MTSS1: variants seen among roughly 807,000 people sequenced by gnomAD.
The protein encoded by MTSS1 is MTSS I-BAR domain containing 1, also known as protein MTSS 1.
A neutral mutation model predicts 79.0 loss-of-function variants in MTSS1; 18 were observed. That is an observed-to-expected ratio of 0.23 (90% CI 0.16 to 0.34). The LOEUF (loss-of-function observed/expected upper bound fraction) is 0.34, where lower values mean the gene tolerates loss of function less well. MTSS1 is among the 10% of genes least tolerant of loss of function. The pLI is 1.00. For synonymous variants in MTSS1, 341 were observed against 368.6 expected, an observed-to-expected ratio of 0.93 and a Z score of 0.86; for missense variants, 815 against 986.2, an observed-to-expected ratio of 0.83 and a Z score of 2.33.
chr8:124,717,088 T>C (rs1193293240), intron 1 of MTSS1, among the ~76,000 whole-genome samples: 1 of 151,704 alleles, frequency 6.6e-6, no homozygotes, highest in Non-Finnish European at 1.5e-5. Context: ...ACATGCTCTC[T>C]TCCCTTGCAC....
At chr8:124,701,792 A>G (rs1829745346) in intron 2 of MTSS1, among the ~76,000 whole-genome samples, 1 of 152,240 alleles carries the variant, frequency 6.6e-6, no homozygotes, top group Non-Finnish European at 1.5e-5. Context: ...TTGATGGGGC[A>G]GAGCAAACTT....
intron 3 of MTSS1, among the ~76,000 whole-genome samples, chr8:124,652,175 T>C (rs1338224536): frequency 6.6e-6 from 1 of 152,208 alleles, no homozygotes; most frequent in Non-Finnish European, 1.5e-5. Flanking sequence ...TAGAGAAATG[T>C]CTTCTTTATT....
In MTSS1 at chr8:124,634,260, CCAT is replaced by C. The variant is rs552678890; in HGVS notation, c.209-43028_209-43026del. On this transcript the variant is annotated intron_variant, in intron 3 of 13. Transcript: ENST00000518547. ...AAGTAGCTGGGACTACAGGCGCACACCATCATACCTGGCTAGTTTTTTTTTGTT... is the reference window on the plus strand; with the variant it reads ...AAGTAGCTGGGACTACAGGCGCACACCATACCTGGCTAGTTTTTTTTTGTT... 4.3e-3 allele frequency among the ~76,000 whole-genome samples: 657 copies of C among 151,280 alleles called. 3 individuals are homozygous for C. Among genetic ancestry groups the C allele is most frequent in the African/African-American group, 0.016 (636 of 40,972 alleles).
chr8:124,696,249 A>G (rs1828799014), intron 3 of MTSS1, among the ~76,000 whole-genome samples: 1 of 152,106 alleles, frequency 6.6e-6, no homozygotes, highest in Non-Finnish European at 1.5e-5. Context: ...CGGCCTCCCA[A>G]ATGCTGGGAT....
intron 1 of MTSS1, among the ~76,000 whole-genome samples, chr8:124,721,433 CAGAGTCT>C (rs1832919046): frequency 7.9e-6 from 1 of 125,954 alleles, no homozygotes; most frequent in South Asian, 2.4e-4. Flanking sequence ...TTTTTTGAGA[CAGAGTCT>C]CATTCTGTCG....
At chr8:124,615,036 G>C (rs1406965493) in intron 3 of MTSS1, among the ~76,000 whole-genome samples, 1 of 152,196 alleles carries the variant, frequency 6.6e-6, no homozygotes, top group Non-Finnish European at 1.5e-5. Flanking sequence ...CCAGAAGGCG[G>C]GAAGATGCAG....
chr8:124,678,278 G>A (rs890730568), intron 3 of MTSS1, among the ~76,000 whole-genome samples: 3 of 152,130 alleles, frequency 2.0e-5, no homozygotes, highest in African/African-American at 7.2e-5. Context: ...TGAGACCTGG[G>A]GAACACTAAT....
chr8:124,570,228 T>C (rs1007071315), intron 6 of MTSS1, among the ~76,000 whole-genome samples: 8 of 152,190 alleles, frequency 5.3e-5, no homozygotes, highest in African/African-American at 1.4e-4. Flanking sequence ...AGATCACCCT[T>C]GAAAATGCCT....
rs1239125456 is a variant in MTSS1 at position 124,557,807 on chromosome 8, A to G, written c.1104T>C (p.Leu368=). The part of the protein sequence containing the change: ...ESHVGPTGAG[L]FPHCLPASRL... ...GGGAGGCAGGCAGGCAATGAGGGAA[A>G]AGGCCTGCACCCGTGGGCCCCACGT... Residue 368 remains leucine (L), a synonymous_variant, in exon 11 of 14, where the codon CTT becomes CTC. Transcript: ENST00000518547. The G allele has an allele frequency of 6.2e-7, 1 of 1,604,834 alleles. No individual in the cohort carries two copies. The highest frequency in any genetic ancestry group is 1.3e-5 in the African/African-American group (1 of 74,674).
chr8:124,568,012 C>A (rs1444396008), intron 7 of MTSS1: 1 of 1,238,212 alleles, frequency 8.1e-7, no homozygotes, highest in Non-Finnish European at 1.0e-6. Context: ...CTTTAAAACA[C>A]AGACGACTGG....
chr8:124,723,366 C>G (rs1833223280), intron 1 of MTSS1, among the ~76,000 whole-genome samples: 1 of 152,176 alleles, frequency 6.6e-6, no homozygotes, highest in African/African-American at 2.4e-5. Context: ...CTCAGCTTAC[C>G]TTCTATGCAA....
At chr8:124,705,039 G>A (rs1408190746) in intron 1 of MTSS1, among the ~76,000 whole-genome samples, 1 of 152,092 alleles carries the variant, frequency 6.6e-6, no homozygotes, top group African/African-American at 2.4e-5. Flanking sequence ...AAGCAGGCAG[G>A]GACCGACGTC....
At chr8:124,647,987 T>G (rs976009855) in intron 3 of MTSS1, among the ~76,000 whole-genome samples, 7 of 152,054 alleles carry the variant, frequency 4.6e-5, no homozygotes, top group African/African-American at 1.7e-4. Context: ...GTTTCAAGAG[T>G]AGCAAGGGGA....
intron 3 of MTSS1, among the ~76,000 whole-genome samples, chr8:124,668,914 C>T (rs1823617669): frequency 6.6e-6 from 1 of 152,184 alleles, no homozygotes; most frequent in African/African-American, 2.4e-5. Flanking sequence ...CATTAGTTTA[C>T]CTTCAATGAT....
At chr8:124,574,250 G>A (rs1472710988) in intron 6 of MTSS1, among the ~76,000 whole-genome samples, 1 of 152,108 alleles carries the variant, frequency 6.6e-6, no homozygotes, top group Admixed American at 6.6e-5. Flanking sequence ...GGCCACAGAA[G>A]GAAGGAATTT....
chr8:124,719,135 T>G (rs1446664489), intron 1 of MTSS1, among the ~76,000 whole-genome samples: 1 of 152,208 alleles, frequency 6.6e-6, no homozygotes, highest in East Asian at 1.9e-4. Flanking sequence ...GGAGCCAGAC[T>G]GCCTGGACTC....
intron 6 of MTSS1, chr8:124,568,928 G>A: frequency 4.1e-6 from 5 of 1,222,244 alleles, no homozygotes; most frequent in Non-Finnish European, 4.2e-6. Flanking sequence ...AGAGCCTGTG[G>A]GTGTTTCCAA....
intron 3 of MTSS1, among the ~76,000 whole-genome samples, chr8:124,618,349 T>G (rs1167349112): frequency 6.6e-6 from 1 of 152,238 alleles, no homozygotes. Flanking sequence ...AACAAACTTT[T>G]CTGTTTCACA....
intron 1 of MTSS1, among the ~76,000 whole-genome samples, chr8:124,721,967 C>T (rs1020960992): frequency 2.6e-5 from 4 of 152,282 alleles, no homozygotes; most frequent in Middle Eastern, 3.4e-3. Context: ...GAGCCCCTGT[C>T]GCATAGTAGG....
Sources: allele counts gnomAD v4.1 joint callset (sites outside exome capture counted in the v4.1 genomes callset), GRCh38; gene constraint gnomAD v4.1.1; transcripts MANE v1.5; gene names NCBI Gene and HGNC (gene_info 2026-07-23, HGNC 2026-07-21).